The following ALDH1L1 variants were observed in gnomAD, a reference collection of about 807,000 sequenced individuals.
ALDH1L1 encodes cytosolic 10-formyltetrahydrofolate dehydrogenase.
Under a neutral mutation model 101.1 loss-of-function variants are expected in ALDH1L1, and 68 were observed. The ratio of observed to expected loss-of-function variants is 0.67; its 90% CI spans 0.55 to 0.82. ALDH1L1 has a LOEUF of 0.82. Among genes scored for constraint, ALDH1L1 ranks in the 40% least tolerant of loss-of-function variants. The probability of loss-of-function intolerance (pLI) is 0.00; values close to 1 mark genes in which losing one functional copy is unlikely to be tolerated. For synonymous variants in ALDH1L1, 486 were observed against 470.8 expected (o/e 1.03, Z -0.42); for missense variants, 1,087 against 1,172.7 (o/e 0.93, Z 1.07).
Position 126,134,733 on chromosome 3 carries a change from C to T in ALDH1L1, c.1472+802G>A, listed in dbSNP as rs190573771. On this transcript the variant is annotated intron_variant, in intron 12 of 22. Coordinates refer to ENST00000393434, the MANE Select transcript of ALDH1L1 (RefSeq NM_012190.4). ...CAAGGCCAAGGCAGGGTCTCTCCTG[C>T]CAGGTGAGGAGCTTCGTTGGGACCA... Among the ~76,000 whole-genome samples, 271 of 152,350 alleles carry T rather than the reference C, an allele frequency of 1.8e-3. 1 individual carries two copies. Among genetic ancestry groups the T allele is most frequent in the Non-Finnish European group, 3.1e-3 (209 of 68,026 alleles).
At position 126,157,326 on chromosome 3, in the gene ALDH1L1, C is replaced by T. The variant is rs773139464; in HGVS notation, c.528+17G>A. On this transcript the variant is annotated intron_variant, in intron 4 of 22. Transcript: ENST00000393434. ...TGCGTCGGGGCGGGCAGGGCGCGGC[C>T]GGCTCCAGGTCCTCACCATCCCTTT... 9 of 1,600,936 alleles carry T rather than the reference C, an allele frequency of 5.6e-6. No individual in the cohort carries two copies. Among genetic ancestry groups the T allele is most frequent in the Non-Finnish European group, 6.0e-6 (7 of 1,170,920 alleles).
At chr3:126,123,128 T>C (rs1200279241) in intron 16 of ALDH1L1, among the ~76,000 whole-genome samples, 1 of 152,186 alleles carries the variant, frequency 6.6e-6, no homozygotes, top group Non-Finnish European at 1.5e-5. Flanking sequence ...CAGCAACCAT[T>C]TGAAAGCCAG....
chr3:126,151,920 G>C (rs556688189), intron 7 of ALDH1L1: 1 of 156,366 alleles, frequency 6.4e-6, no homozygotes, highest in Non-Finnish European at 1.5e-5. Flanking sequence ...TCTTGTGAGA[G>C]AGCTGATAAC....
At chr3:126,181,231 G>A, upstream of ALDH1L1, 1 of 588,984 alleles carries the variant, frequency 1.7e-6, no homozygotes, top group South Asian at 2.0e-5. Flanking sequence ...CCGGTCTCAG[G>A]CAAGGCCATG....
chr3:126,196,693 G>A (rs911434469), intron 1 of ALDH1L1, among the ~76,000 whole-genome samples: 3 of 152,168 alleles, frequency 2.0e-5, no homozygotes, highest in African/African-American at 7.2e-5. Context: ...ACAAAACCTG[G>A]AATTTTTAAA....
chr3:126,159,246 A>ACC (rs995033669), intron 2 of ALDH1L1: 37 of 363,676 alleles, frequency 1.0e-4, no homozygotes, highest in African/African-American at 5.4e-4. Context: ...ACACACACAC[A>ACC]CCCCAGAGGA....
Position 126,135,603 on chromosome 3 carries a change from G to C in ALDH1L1, c.1404C>G (p.Ala468=), listed in dbSNP as rs753265579. ...ACCGTCCATTCTCAAAGGCATCCTT[G>C]GCTGCGGCCACTGCCTTGTCGACGT... is the stretch of plus-strand genomic sequence containing the variant. The part of the protein sequence containing the change: ...VTDVDKAVAA[A]KDAFENGRWG... Residue 468 remains alanine, a synonymous_variant, in exon 12 of 23, where the codon GCC becomes GCG. Transcript: ENST00000393434. 1 of 1,597,596 alleles carries C rather than the reference G, an allele frequency of 6.3e-7. No homozygotes were observed. The highest frequency in any genetic ancestry group is 1.1e-5 in the South Asian group (1 of 88,620).
chr3:126,133,339 A>G (rs2080353826), intron 12 of ALDH1L1, among the ~76,000 whole-genome samples: 1 of 152,152 alleles, frequency 6.6e-6, no homozygotes, highest in African/African-American at 2.4e-5. Flanking sequence ...TCACCTGGAC[A>G]TGGAAGCCCA....
chr3:126,169,456 AT>A (rs2081231008), intron 1 of ALDH1L1, among the ~76,000 whole-genome samples: 1 of 152,222 alleles, frequency 6.6e-6, no homozygotes, highest in African/African-American at 2.4e-5. Context: ...TTTGACTGGA[AT>A]GGTGTGCTCT....
At chr3:126,188,386 G>A (rs532730816) in intron 1 of ALDH1L1, among the ~76,000 whole-genome samples, 8 of 152,282 alleles carry the variant, frequency 5.3e-5, no homozygotes, top group Admixed American at 2.0e-4. Context: ...ACGGGTTTTG[G>A]TATCCGCAGG....
chr3:126,131,416 G>C lies in ALDH1L1; in HGVS notation c.1591C>G (p.Arg531Gly). ...TTGTCACACCAGCCAGCAAAGTAGC[G>C]GAAGGTCTGGATGGACATGCCCACG... ...THVGMSIQTFRYFAGWCDKIQ... is the reference protein window; with the variant it reads ...THVGMSIQTFGYFAGWCDKIQ... The change falls in exon 13 of 23, where the codon CGC (arginine) becomes GGC (glycine). Residue 531 changes from arginine to glycine, a missense_variant. Coordinates refer to ENST00000393434, the MANE Select transcript of ALDH1L1 (RefSeq NM_012190.4). 3.1e-6 allele frequency: 5 copies of C among 1,609,028 alleles called. No homozygotes were observed. The highest frequency in any genetic ancestry group is 4.3e-6 in the Non-Finnish European group (5 of 1,175,884).
chr3:126,160,559 G>T, intron 2 of ALDH1L1: 1 of 368,056 alleles, frequency 2.7e-6, no homozygotes, highest in Non-Finnish European at 4.9e-6. Context: ...TGGGTGCTGG[G>T]TCAGAGAAGC....
intron 5 of ALDH1L1, 87 bp from the exon 6 acceptor site, chr3:126,154,730 T>C: frequency 8.0e-7 from 1 of 1,256,864 alleles, no homozygotes. Context: ...ACCAAGCTCT[T>C]GTGAGACAGC....
intron 14 of ALDH1L1, 148 bp downstream of exon 14, chr3:126,130,075 G>T (rs2080269533): frequency 1.7e-6 from 1 of 605,174 alleles, no homozygotes; most frequent in Non-Finnish European, 2.6e-6. Flanking sequence ...ACAATGCCTG[G>T]CATGGAGCAG....
chr3:126,138,552 G>A (rs538550956), intron 9 of ALDH1L1, among the ~76,000 whole-genome samples: 28 of 152,238 alleles, frequency 1.8e-4, no homozygotes, highest in South Asian at 1.5e-3. Flanking sequence ...TAGGCACTGG[G>A]GAAATGCAAA....
chr3:126,134,491 C>T (rs2080382545), intron 12 of ALDH1L1, among the ~76,000 whole-genome samples: 1 of 152,324 alleles, frequency 6.6e-6, no homozygotes, highest in Admixed American at 6.5e-5. Context: ...CTTGGCGTGG[C>T]CAGTGCCTTT....
At chr3:126,111,477 C>T (rs1170079949) in intron 19 of ALDH1L1, among the ~76,000 whole-genome samples, 1 of 152,228 alleles carries the variant, frequency 6.6e-6, no homozygotes, top group Non-Finnish European at 1.5e-5. Flanking sequence ...CCAGATGAGC[C>T]CCAACAAACC....
Position 126,118,101 on chromosome 3 carries a change from G to C in ALDH1L1, c.1889-3C>G. On this transcript the variant is annotated splice_region_variant and splice_polypyrimidine_tract_variant and intron_variant, in intron 16 of 22. Coordinates refer to ENST00000393434, the MANE Select transcript of ALDH1L1 (RefSeq NM_012190.4). ...GAGTCTCTGGCCGACCAGGGAGCCT[G>C]TGGGCGGGAGGGAGGGGGGAATCAG... The C allele has an allele frequency of 6.2e-7, 1 of 1,612,408 alleles. No individual in the cohort carries two copies. The highest frequency in any genetic ancestry group is 1.7e-4 in the Middle Eastern group (1 of 6,056).
intron 15 of ALDH1L1, among the ~76,000 whole-genome samples, chr3:126,125,159 C>T (rs1439971887): frequency 6.6e-6 from 1 of 152,220 alleles, no homozygotes; most frequent in Non-Finnish European, 1.5e-5. Context: ...AGACACCACA[C>T]TGCGTAGCTT....
Sources: gnomAD v4.1 joint callset for allele counts (sites outside exome capture counted in the v4.1 genomes callset) on GRCh38, gnomAD v4.1.1 for gene constraint, MANE v1.5 for transcripts, NCBI Gene and HGNC (gene_info 2026-07-23, HGNC 2026-07-21) for gene names.